Variants in PCDH15 observed in about 807,000 individuals in gnomAD.
PCDH15 encodes protocadherin-15.
PCDH15 carries 129 observed loss-of-function variants against 178.5 expected under a neutral mutation model. The ratio of observed to expected loss-of-function variants is 0.72; its 90% CI spans 0.63 to 0.84. PCDH15 has a LOEUF of 0.84. Among genes scored for constraint, PCDH15 ranks in the 40% least tolerant of loss-of-function variants. The pLI, the probability that PCDH15 is intolerant of heterozygous loss-of-function variation, is 0.00. For missense variants in PCDH15, 2,230 were observed against 2,099.9 expected (o/e 1.06, Z -1.21); for synonymous variants, 800 against 732.0 (o/e 1.09, Z -1.50).
chr10:54,170,344 A>G (rs557621193), intron 13 of PCDH15, among the ~76,000 whole-genome samples: 10 of 152,192 alleles, frequency 6.6e-5, no homozygotes, highest in African/African-American at 2.2e-4. Flanking sequence ...CACACCCTGT[A>G]GCCTTTCTGC....
intron 2 of PCDH15, among the ~76,000 whole-genome samples, chr10:54,903,084 T>G (rs1014374856): frequency 4.6e-5 from 7 of 152,288 alleles, no homozygotes; most frequent in South Asian, 2.1e-4. Context: ...GTATTTTCAT[T>G]GCCCTTCCTT....
chr10:53,825,271 A>C (rs1588955887), intron 32 of PCDH15: 1 of 850,430 alleles, frequency 1.2e-6, no homozygotes, highest in East Asian at 4.0e-5. Flanking sequence ...TACGTATATC[A>C]AAAAAAAGGC....
At chr10:55,151,301 G>C (rs962509808) in intron 2 of PCDH15, among the ~76,000 whole-genome samples, 1 of 152,000 alleles carries the variant, frequency 6.6e-6, no homozygotes, top group Admixed American at 6.6e-5. Context: ...AAGTGGAATT[G>C]ACTAATTTTT....
chr10:54,312,994 A>G (rs796345338), intron 8 of PCDH15, among the ~76,000 whole-genome samples: 1 of 152,060 alleles, frequency 6.6e-6, no homozygotes, highest in South Asian at 2.1e-4. Flanking sequence ...TCATTTTTTC[A>G]AAGTATGTTA....
intron 26 of PCDH15, among the ~76,000 whole-genome samples, chr10:53,888,702 T>TAAA (rs756679531): frequency 2.2e-5 from 1 of 46,190 alleles, no homozygotes; most frequent in African/African-American, 5.9e-5. Context: ...TATATATATA[T>TAAA]ATCTCCTGTG....
At chr10:54,426,763 G>T (rs1956312954) in intron 3 of PCDH15, among the ~76,000 whole-genome samples, 1 of 152,088 alleles carries the variant, frequency 6.6e-6, no homozygotes, top group Non-Finnish European at 1.5e-5. Context: ...AGCCCTGGAA[G>T]ATAGCAACTT....
intron 18 of PCDH15, among the ~76,000 whole-genome samples, chr10:54,058,593 T>C (rs967398904): frequency 7.2e-5 from 11 of 152,100 alleles, no homozygotes; most frequent in Non-Finnish European, 1.0e-4. Flanking sequence ...TGGGTGGGGA[T>C]ACAACCAAAC....
At chr10:54,254,781 C>G (rs1219017365) in intron 8 of PCDH15, among the ~76,000 whole-genome samples, 1 of 152,208 alleles carries the variant, frequency 6.6e-6, no homozygotes, top group South Asian at 2.1e-4. Context: ...GTTGATAACT[C>G]TGGATGCTGA....
intron 1 of PCDH15, among the ~76,000 whole-genome samples, chr10:55,289,776 T>C (rs932671757): frequency 2.0e-5 from 3 of 151,994 alleles, no homozygotes; most frequent in Non-Finnish European, 2.9e-5. Flanking sequence ...TATTAACAGG[T>C]GGGTCTTTTA....
intron 3 of PCDH15, among the ~76,000 whole-genome samples, chr10:54,465,248 C>T (rs573652482): frequency 5.3e-5 from 8 of 152,052 alleles, no homozygotes; most frequent in African/African-American, 1.7e-4. Context: ...CATCTCAATG[C>T]GTTAAAAATA....
At chr10:53,987,093 G>T (rs770022114) in intron 21 of PCDH15, among the ~76,000 whole-genome samples, 1 of 151,840 alleles carries the variant, frequency 6.6e-6, no homozygotes, top group South Asian at 2.1e-4. Context: ...ACAAAGAAAA[G>T]AATATCTAAA....
intron 32 of PCDH15, chr10:53,823,336 G>T (rs747492943): frequency 1.2e-6 from 2 of 1,613,702 alleles, no homozygotes; most frequent in Non-Finnish European, 1.7e-6. Context: ...CTGCTTTGTT[G>T]AAAATGGTAG....
In PCDH15 at chr10:54,645,499, TA is replaced by T. The variant is rs941652426; in HGVS notation, c.91+18672del. 1.1e-4 allele frequency among the ~76,000 whole-genome samples: 17 copies of T among 151,838 alleles called. No homozygotes were observed. In the South Asian group the frequency reaches 3.3e-3, roughly 30 times the overall value. ...AAAAGTTGTAGGAGATAGAGAAAAT[TA>T]AAAAAAATAAAAGTACAGATACCAA... On this transcript the variant is annotated intron_variant, in intron 2 of 37. Transcript: ENST00000644397.
chr10:54,681,570 A>G (rs1265887798), intron 1 of PCDH15, among the ~76,000 whole-genome samples: 1 of 152,100 alleles, frequency 6.6e-6, no homozygotes, highest in Non-Finnish European at 1.5e-5. Context: ...TTGAGGATTA[A>G]CTCTTGTGTA....
At chr10:54,672,965 A>G (rs772059470) in intron 1 of PCDH15, among the ~76,000 whole-genome samples, 2 of 152,180 alleles carry the variant, frequency 1.3e-5, no homozygotes, top group Non-Finnish European at 2.9e-5. Flanking sequence ...TTAAAAAATG[A>G]CTTCACATGT....
intron 2 of PCDH15, among the ~76,000 whole-genome samples, chr10:55,012,659 T>G (rs1319152258): frequency 6.6e-6 from 1 of 152,172 alleles, no homozygotes; most frequent in African/African-American, 2.4e-5. Flanking sequence ...ACTATTTCTC[T>G]CTGAAACACT....
chr10:55,353,138 A>G (rs1333655762), intron 2 of PCDH15, among the ~76,000 whole-genome samples: 1 of 152,136 alleles, frequency 6.6e-6, no homozygotes, highest in African/African-American at 2.4e-5. Context: ...AAGCATCTCT[A>G]CAACTTTTTG....
intron 21 of PCDH15, among the ~76,000 whole-genome samples, chr10:53,970,762 A>C (rs2446603): frequency 0.71 from 106,948 of 151,642 alleles, 38,107 homozygotes; most frequent in East Asian, 0.87. Flanking sequence ...CCCTGAATAG[A>C]CCAATAACAG....
At chr10:55,610,138 A>C (rs1042904067) in intron 2 of PCDH15, among the ~76,000 whole-genome samples, 2 of 152,114 alleles carry the variant, frequency 1.3e-5, no homozygotes, top group Non-Finnish European at 2.9e-5. Context: ...GGCTGAGTAC[A>C]TCAAGAAGAA....
Sources: gnomAD v4.1 joint callset for allele counts (sites outside exome capture counted in the v4.1 genomes callset) on GRCh38, gnomAD v4.1.1 for gene constraint, MANE v1.5 for transcripts, NCBI Gene and HGNC (gene_info 2026-07-23, HGNC 2026-07-21) for gene names.